The following NCAM1 variants were observed in gnomAD, a reference collection of about 807,000 sequenced individuals.
NCAM1 encodes the protein antigen recognized by monoclonal antibody 5.1H11.
Under a neutral mutation model 109.8 loss-of-function variants are expected in NCAM1, and 14 were observed. The ratio of observed to expected loss-of-function variants is 0.13; its 90% CI spans 0.08 to 0.20. NCAM1 has a LOEUF of 0.20. Ranked by LOEUF, NCAM1 falls within the 10% of genes least tolerant of loss-of-function variation. The pLI, the probability that NCAM1 is intolerant of heterozygous loss-of-function variation, is 1.00. For missense variants in NCAM1, 774 were observed against 1,109.9 expected (o/e 0.70, Z 4.30); for synonymous variants, 418 against 442.9 (o/e 0.94, Z 0.70).
rs183078144 is a variant in NCAM1 at position 113,201,767 on chromosome 11, G to A, written c.53-612G>A. 1.9e-3 allele frequency among the ~76,000 whole-genome samples: 296 copies of A among 152,340 alleles called. 3 individuals are homozygous for A. Among genetic ancestry groups the A allele is most frequent in the African/African-American group, 6.9e-3 (288 of 41,574 alleles). ...ACTAATTGGGGTGGTGATATGTGAT[G>A]TTGGCTCCTGTTATGGAAAAAGGTG... On this transcript the variant is annotated intron_variant, in intron 1 of 19. Transcript: ENST00000316851.
At chr11:113,103,648 G>A (rs1939982629) in intron 1 of NCAM1, among the ~76,000 whole-genome samples, 1 of 152,124 alleles carries the variant, frequency 6.6e-6, no homozygotes, top group South Asian at 2.1e-4. Context: ...CCATTTTAAA[G>A]ATTTGGGATG....
intron 1 of NCAM1, among the ~76,000 whole-genome samples, chr11:113,163,950 C>T (rs1942690769): frequency 6.6e-6 from 1 of 152,142 alleles, no homozygotes; most frequent in African/African-American, 2.4e-5. Context: ...GAAGAGACAA[C>T]TGTAGGACCC....
chr11:113,028,415 T>C (rs1260679611), intron 1 of NCAM1, among the ~76,000 whole-genome samples: 1 of 152,202 alleles, frequency 6.6e-6, no homozygotes, highest in Non-Finnish European at 1.5e-5. Flanking sequence ...GAATCACACC[T>C]GTATAAAAGA....
rs1318877890 is a variant in NCAM1 at position 113,003,785 on chromosome 11, CTT to C, written c.52+42123_52+42124del. 10 of 152,330 alleles carry C rather than the reference CTT, an allele frequency of 6.6e-5. No individual in the cohort carries two copies. The East Asian group carries it at 1.4e-3, about 21-fold the overall frequency. The allele number at this position is 152,330 out of a possible 1,614,324, so 9.4% of individuals were successfully genotyped here. A position where few individuals can be genotyped will look rare whatever the true frequency, so the allele number is the denominator to read the frequency against. ...TGCTGAACCAATTGGGCATCAGACT[CTT>C]TGAGATCTTTGCAATGATCGGGGAA... On this transcript the variant is annotated intron_variant, in intron 1 of 19. Coordinates refer to ENST00000316851, the MANE Select transcript of NCAM1 (RefSeq NM_181351.5).
In NCAM1 at chr11:113,246,346, TGTC is replaced by T. The variant is rs1185671052; in HGVS notation, c.1826-18_1826-16del. 2 of 739,814 alleles carry T rather than the reference TGTC, an allele frequency of 2.7e-6. No homozygotes were observed. Among genetic ancestry groups the T allele is most frequent in the East Asian group, 2.5e-5 (1 of 40,452 alleles). The allele number at this position is 739,814 out of a possible 1,614,324, so 45.8% of individuals were successfully genotyped here. ...CATGTGGCTTGCATGGTGCTGATGA[TGTC>T]GTCCACGCTGGTGAACAGAAGGTAA... On this transcript the variant is annotated intron_variant, in intron 14 of 19. Coordinates refer to ENST00000316851, the MANE Select transcript of NCAM1 (RefSeq NM_181351.5).
At chr11:112,969,231 G>C (rs1054940838) in intron 1 of NCAM1, among the ~76,000 whole-genome samples, 12 of 152,030 alleles carry the variant, frequency 7.9e-5, no homozygotes, top group Admixed American at 4.6e-4. Context: ...TGAGAGTAGT[G>C]GGGAGGAGTA....
At chr11:113,236,285 T>C (rs1945164826) in intron 14 of NCAM1, 4 of 1,613,608 alleles carry the variant, frequency 2.5e-6, no homozygotes, top group Non-Finnish European at 3.4e-6. Context: ...CTGTGTTCCA[T>C]CCATGGGAAA....
intron 9 of NCAM1, among the ~76,000 whole-genome samples, chr11:113,223,394 A>T (rs182511887): frequency 6.6e-6 from 1 of 152,320 alleles, no homozygotes; most frequent in Non-Finnish European, 1.5e-5. Flanking sequence ...GTCTGTGGAC[A>T]TCATTAAACA....
chr11:113,192,537 A>T (rs1555110063), intron 1 of NCAM1, among the ~76,000 whole-genome samples: 3 of 152,160 alleles, frequency 2.0e-5, no homozygotes, highest in Non-Finnish European at 4.4e-5. Context: ...CAGAGCACAC[A>T]CCATTTGTCC....
intron 1 of NCAM1, among the ~76,000 whole-genome samples, chr11:113,137,325 C>G (rs1400413401): frequency 2.0e-5 from 3 of 152,144 alleles, no homozygotes; most frequent in Non-Finnish European, 4.4e-5. Context: ...AGTTATAGAC[C>G]TGGTAGTAAG....
Position 113,158,184 on chromosome 11 carries a change from A to C in NCAM1, c.53-44195A>C. ...GGAAAATTGTTAAGCTTATGTTGGT[A>C]GATATGAGTTTCCAAAAAGCAATTC... On this transcript the variant is annotated intron_variant, in intron 1 of 19. Transcript: ENST00000316851. Among the ~76,000 whole-genome samples the C allele has an allele frequency of 1.3e-5, 2 of 152,222 alleles. 1 individual carries two copies. The highest frequency in any genetic ancestry group is 6.3e-3 in the Middle Eastern group (2 of 316).
intron 1 of NCAM1, among the ~76,000 whole-genome samples, chr11:113,105,335 A>G (rs1940106863): frequency 6.6e-6 from 1 of 152,178 alleles, no homozygotes; most frequent in Admixed American, 6.5e-5. Context: ...GCTCTATCAC[A>G]ATTCTTACCA....
chr11:113,076,488 T>C (rs2135618913), intron 1 of NCAM1, among the ~76,000 whole-genome samples: 1 of 152,336 alleles, frequency 6.6e-6, no homozygotes, highest in Non-Finnish European at 1.5e-5. Context: ...GATATCCTCA[T>C]TTCTGCACAG....
chr11:113,077,162 A>G (rs1322832587), intron 1 of NCAM1, among the ~76,000 whole-genome samples: 1 of 152,198 alleles, frequency 6.6e-6, no homozygotes, highest in Non-Finnish European at 1.5e-5. Context: ...AGGAGGCAGA[A>G]TTGTCAGCAA....
At chr11:113,249,725 C>T (rs1471920329) in intron 15 of NCAM1, among the ~76,000 whole-genome samples, 1 of 152,196 alleles carries the variant, frequency 6.6e-6, no homozygotes, top group African/African-American at 2.4e-5. Context: ...GATGATGAAA[C>T]AAAGATAATT....
intron 8 of NCAM1, among the ~76,000 whole-genome samples, chr11:113,219,123 A>G (rs1159994810): frequency 6.6e-6 from 1 of 152,236 alleles, no homozygotes; most frequent in Non-Finnish European, 1.5e-5. Flanking sequence ...CTTATTAAGG[A>G]AAGGAGAGCA....
intron 1 of NCAM1, among the ~76,000 whole-genome samples, chr11:113,134,778 G>A (rs782287208): frequency 4.6e-5 from 7 of 152,122 alleles, no homozygotes; most frequent in Admixed American, 2.0e-4. Context: ...AAGTATTTTC[G>A]TAATGTGTAT....
chr11:113,197,853 C>T (rs1943902718), intron 1 of NCAM1, among the ~76,000 whole-genome samples: 1 of 152,190 alleles, frequency 6.6e-6, no homozygotes, highest in Admixed American at 6.5e-5. Context: ...GCTTTGCCCA[C>T]CTCTTCTGAT....
At chr11:113,050,304 C>T (rs923807158) in intron 1 of NCAM1, among the ~76,000 whole-genome samples, 1 of 152,110 alleles carries the variant, frequency 6.6e-6, no homozygotes, top group African/African-American at 2.4e-5. Context: ...CATTTAAGTG[C>T]TTATGCAATG....
Sources: gnomAD v4.1 joint callset for allele counts (sites outside exome capture counted in the v4.1 genomes callset) on GRCh38, gnomAD v4.1.1 for gene constraint, MANE v1.5 for transcripts, NCBI Gene and HGNC (gene_info 2026-07-23, HGNC 2026-07-21) for gene names.